Variants in MYH8 observed in about 807,000 individuals in gnomAD.
MYH8 encodes myosin-8.
Under a neutral mutation model 233.2 loss-of-function variants are expected in MYH8, and 168 were observed. That is an observed-to-expected ratio of 0.72 (90% CI 0.64 to 0.82). The LOEUF is 0.82. MYH8 is among the 40% of genes least tolerant of loss of function. MYH8 has a pLI of 0.00. For missense variants in MYH8, 1,995 were observed against 2,327.8 expected (o/e 0.86, Z 2.94); for synonymous variants, 785 against 850.6 (o/e 0.92, Z 1.34).
At chr17:10,398,399 A>G (rs2072098541) in intron 30 of MYH8, 45 bp downstream of exon 30, 3 of 1,613,642 alleles carry the variant, frequency 1.9e-6, no homozygotes, top group South Asian at 2.2e-5. Flanking sequence ...CATAAATATC[A>G]CAGCTGCTTC....
rs78443907 is a variant in MYH8 at position 10,400,720 on chromosome 17, C to A, written c.3405G>T (p.Ala1135=). 2 of 1,614,174 alleles carry A rather than the reference C, an allele frequency of 1.2e-6. No homozygotes were observed. Residue 1135 remains alanine, a synonymous_variant, in exon 27 of 40, where the codon GCG becomes GCT. Coordinates refer to ENST00000403437, the MANE Select transcript of MYH8 (RefSeq NM_002472.3). This position sits in a 1 kb window ranked among gnomAD's most constrained non-coding sequence, Gnocchi z 4.0. ...GGGAGAGGTCAGAGCGCTGCTTCTC[C>A]GCTTTGGCTCGGGACGCCCTCTCTG... ...IEAERASRAK[A]EKQRSDLSRE...
chr17:10,405,920 G>T (rs2072188196), intron 21 of MYH8, 121 bp downstream of exon 21: 6 of 1,224,078 alleles, frequency 4.9e-6, no homozygotes, highest in Middle Eastern at 2.5e-4. Context: ...TGTTGTAGGA[G>T]TGAGTTCTGA....
In MYH8 at chr17:10,412,471, A is replaced by G. The variant is rs756392331; in HGVS notation, c.1315T>C (p.Phe439Leu). Residue 439 changes from phenylalanine (F) to leucine (L), a missense_variant, in exon 14 of 40, where the codon TTC (phenylalanine) becomes CTC (leucine). Physicochemically the swap from Phe to Leu is conservative, Grantham distance 22. Coordinates refer to ENST00000403437, the MANE Select transcript of MYH8 (RefSeq NM_002472.3). ...ALAKAVYEKM[F>L]LWMVTRINQQ... is the part of the protein sequence containing the mutation. The stretch of plus-strand genomic sequence containing the variant: ...TTGATGCGGGTGACCATCCACAGGA[A>G]CATCTTCTCGTAGACGGCTTTGGCC... 1.9e-6 allele frequency: 3 copies of G among 1,614,248 alleles called. No individual in the cohort carries two copies. Among genetic ancestry groups the G allele is most frequent in the Admixed American group, 1.7e-5 (1 of 60,030 alleles).
rs1286875636 is a variant in MYH8 at position 10,400,810 on chromosome 17, C to T, written c.3346-31G>A. ...AATGAAAGAAGCACATAAACATAAA[C>T]TCATCTCAACTTCAGTGTTTTTTTG... On this transcript the variant is annotated intron_variant, in intron 26 of 39. Transcript: ENST00000403437. The surrounding 1 kb of genome is among the most constrained non-coding windows in gnomAD (Gnocchi z 4.0). The T allele has an allele frequency of 6.2e-7, 1 of 1,613,984 alleles. No individual in the cohort carries two copies. Among genetic ancestry groups the T allele is most frequent in the South Asian group, 1.1e-5 (1 of 91,088 alleles).
In MYH8 at chr17:10,398,524, C is replaced by G. The variant is rs757269825; in HGVS notation, c.4098G>C (p.Lys1366Asn). 6.2e-7 allele frequency: 1 copy of G among 1,614,188 alleles called. No homozygotes were observed. Among genetic ancestry groups the G allele is most frequent in the Non-Finnish European group, 8.5e-7 (1 of 1,180,020 alleles). The change falls in exon 30 of 40, where the codon AAG becomes AAC. Residue 1366 changes from lysine (K) to asparagine (N), a missense_variant. Lys to Asn is a moderately conservative substitution (Grantham distance 94). Transcript: ENST00000403437. Reference protein sequence around the residue: ...GKAELQRALSKANSEVAQWRT... With the variant: ...GKAELQRALSNANSEVAQWRT... ...TCCACTGGGCAACCTCACTGTTGGC[C>G]TTGGACAGCGCCCTCTGCAGCTCAG...
At chr17:10,407,943 ATT>A (rs746935901) in intron 17 of MYH8, among the ~76,000 whole-genome samples, 23 of 140,680 alleles carry the variant, frequency 1.6e-4, no homozygotes, top group Non-Finnish European at 1.7e-4. Context: ...AAGAAGGCAG[ATT>A]TTTTTTTTTT....
At chr17:10,416,172 C>T (rs546189228) in intron 5 of MYH8, among the ~76,000 whole-genome samples, 11 of 152,280 alleles carry the variant, frequency 7.2e-5, no homozygotes, top group Admixed American at 7.2e-4. Context: ...AATTTGACTA[C>T]TCTAGGTACC....
Position 10,400,277 on chromosome 17 carries a change from G to T in MYH8, c.3735+113C>A. 3 of 1,324,142 alleles carry T rather than the reference G, an allele frequency of 2.3e-6. No individual in the cohort carries two copies. The highest frequency in any genetic ancestry group is 3.2e-6 in the Non-Finnish European group (3 of 929,468). 82.0% of individuals were successfully genotyped at this position (1,324,142 alleles called of 1,614,324 possible). Reference sequence around the variant, plus strand: ...AAATACCATAGAATGGGATATATTTGGTTAGAAAATATTTGAGTAGTGCTG... The same window carrying T: ...AAATACCATAGAATGGGATATATTTTGTTAGAAAATATTTGAGTAGTGCTG... On this transcript the variant is annotated intron_variant, in intron 27 of 39. Coordinates refer to ENST00000403437, the MANE Select transcript of MYH8 (RefSeq NM_002472.3). The surrounding 1 kb of genome is among the most constrained non-coding windows in gnomAD (Gnocchi z 4.0).
intron 22 of MYH8, 56 bp downstream of exon 22, chr17:10,404,274 T>C (rs530813518): frequency 1.4e-5 from 22 of 1,608,322 alleles, no homozygotes; most frequent in Non-Finnish European, 1.7e-5. Flanking sequence ...CCAAAGTATA[T>C]GTGTGTTTCA....
At chr17:10,405,691 T>A (rs1262141599) in intron 21 of MYH8, among the ~76,000 whole-genome samples, 1 of 152,140 alleles carries the variant, frequency 6.6e-6, no homozygotes, top group African/African-American at 2.4e-5. Flanking sequence ...GAGAGATTAG[T>A]AGATAAGCAA....
intron 35 of MYH8, 109 bp from the exon 36 acceptor site, chr17:10,393,319 C>T (rs2072047751): frequency 7.2e-7 from 1 of 1,393,286 alleles, no homozygotes; most frequent in Admixed American, 1.7e-5. Flanking sequence ...CAACATTTCA[C>T]TAAACTTTAA....
chr17:10,392,987 A>C lies in MYH8; in HGVS notation c.5307T>G (p.Ala1769=). The C allele has an allele frequency of 6.2e-7, 1 of 1,614,168 alleles. No individual in the cohort carries two copies. The highest frequency in any genetic ancestry group is 8.5e-7 in the Non-Finnish European group (1 of 1,180,032). The change falls in exon 37 of 40, where the codon GCT becomes GCG. Residue 1769 remains alanine, a synonymous_variant. Coordinates refer to ENST00000403437, the MANE Select transcript of MYH8 (RefSeq NM_002472.3). ...TGTCCTGTTCCTTCTTCAGCTCCTC[A>C]GCCATCATGGCAGCCTATTTAGGAA... is the stretch of plus-strand genomic sequence containing the variant. ...KKAITDAAMM[A]EELKKEQDTS... is the part of the protein sequence containing the mutation.
intron 15 of MYH8, among the ~76,000 whole-genome samples, chr17:10,409,795 T>C (rs1194245124): frequency 6.6e-6 from 1 of 152,228 alleles, no homozygotes; most frequent in Non-Finnish European, 1.5e-5. Flanking sequence ...TTACTTTCAA[T>C]TAAAAGAATA....
At chr17:10,414,155 A>G (rs1567689097) in intron 11 of MYH8, 37 bp downstream of exon 11, 3 of 1,608,390 alleles carry the variant, frequency 1.9e-6, no homozygotes, top group East Asian at 2.2e-5. Context: ...TCATTTCCAT[A>G]CATAATGGAT....
intron 14 of MYH8, among the ~76,000 whole-genome samples, chr17:10,411,284 G>T (rs2072242243): frequency 6.6e-6 from 1 of 151,834 alleles, no homozygotes; most frequent in Non-Finnish European, 1.5e-5. Flanking sequence ...GCTGAGGCAG[G>T]AAAATTGCTT....
Position 10,398,900 on chromosome 17 carries a change from A to G in MYH8, c.3863-14T>C, listed in dbSNP as rs2072105181. The G allele has an allele frequency of 6.2e-7, 1 of 1,601,040 alleles. No individual in the cohort carries two copies. ...GAGAATATTCACCTAGGAATAATAGACATAAGGGAATTTTTTACTGGCATA... is the reference window on the plus strand; with the variant it reads ...GAGAATATTCACCTAGGAATAATAGGCATAAGGGAATTTTTTACTGGCATA... On this transcript the variant is annotated splice_polypyrimidine_tract_variant and intron_variant, in intron 28 of 39. Transcript: ENST00000403437.
intron 28 of MYH8, 73 bp downstream of exon 28, chr17:10,399,470 T>A: frequency 6.2e-7 from 1 of 1,606,382 alleles, no homozygotes; most frequent in Non-Finnish European, 8.5e-7. Flanking sequence ...GTGGGAATAT[T>A]GCTATTTATT....
intron 28 of MYH8, 121 bp downstream of exon 28, chr17:10,399,422 C>T: frequency 6.4e-7 from 1 of 1,553,816 alleles, no homozygotes; most frequent in Non-Finnish European, 8.8e-7. Flanking sequence ...TTTTGACCTT[C>T]TTAGCAAACT....
chr17:10,421,066 AATAG>A (rs2072335363), intron 2 of MYH8, among the ~76,000 whole-genome samples: 1 of 152,330 alleles, frequency 6.6e-6, no homozygotes, highest in East Asian at 1.9e-4. Flanking sequence ...TCTTCTGATT[AATAG>A]ATAGGCCTCT....
Sources: allele counts gnomAD v4.1 joint callset (sites outside exome capture counted in the v4.1 genomes callset), GRCh38; gene constraint gnomAD v4.1.1; non-coding constraint Gnocchi (gnomAD v3.1); transcripts MANE v1.5; gene names NCBI Gene and HGNC (gene_info 2026-07-23, HGNC 2026-07-21).